PRKG1: variants seen among roughly 807,000 people sequenced by gnomAD.
The protein encoded by PRKG1 is protein kinase cGMP-dependent 1.
PRKG1 carries 35 observed loss-of-function variants against 88.1 expected under a neutral mutation model. The observed-to-expected ratio is 0.40, with a 90% confidence interval of 0.30 to 0.53. The LOEUF is 0.53. Among genes scored for constraint, PRKG1 ranks in the 20% least tolerant of loss-of-function variants. The pLI, the probability that PRKG1 is intolerant of heterozygous loss-of-function variation, is 0.59. For synonymous variants in PRKG1, 303 were observed against 292.5 expected (o/e 1.04, Z -0.37); for missense variants, 540 against 839.8 (o/e 0.64, Z 4.41).
chr10:51,164,122 G>T (rs185830313), intron 2 of PRKG1, among the ~76,000 whole-genome samples: 1 of 152,146 alleles, frequency 6.6e-6, no homozygotes, highest in Non-Finnish European at 1.5e-5. Flanking sequence ...CCTGACCCCC[G>T]AGCAGCCTAA....
At chr10:52,038,534 C>A (rs554564259) in intron 5 of PRKG1, among the ~76,000 whole-genome samples, 1 of 151,778 alleles carries the variant, frequency 6.6e-6, no homozygotes, top group Admixed American at 6.6e-5. Flanking sequence ...TCTAGAAAAG[C>A]GGGACTTGCC....
chr10:51,269,923 C>T (rs1428503530), intron 2 of PRKG1, among the ~76,000 whole-genome samples: 8 of 152,140 alleles, frequency 5.3e-5, no homozygotes, highest in Non-Finnish European at 1.2e-4. Context: ...TTGTTAGATA[C>T]AACATTTTAA....
At chr10:51,809,264 A>C (rs1297338590) in intron 4 of PRKG1, among the ~76,000 whole-genome samples, 1 of 150,756 alleles carries the variant, frequency 6.6e-6, no homozygotes, top group Non-Finnish European at 1.5e-5. Flanking sequence ...TGATGTAAAC[A>C]CAGATGTTTC....
At chr10:51,172,950 A>G (rs9414852) in intron 2 of PRKG1, among the ~76,000 whole-genome samples, 10,007 of 152,074 alleles carry the variant, frequency 0.066, 693 homozygotes, top group African/African-American at 0.17. Context: ...CCCTGAGCTG[A>G]CACATGGATG....
At chr10:51,793,503 C>A (rs1043270806) in intron 3 of PRKG1, among the ~76,000 whole-genome samples, 4 of 151,972 alleles carry the variant, frequency 2.6e-5, no homozygotes, top group African/African-American at 9.7e-5. Context: ...GAAAACTTTT[C>A]AAACCTAAAG....
At chr10:51,666,050 A>G (rs892234640) in intron 3 of PRKG1, among the ~76,000 whole-genome samples, 2 of 152,192 alleles carry the variant, frequency 1.3e-5, no homozygotes, top group African/African-American at 2.4e-5. Context: ...TAAATGATCA[A>G]TAGCCTTAGA....
At chr10:51,421,696 T>C (rs756056772) in intron 2 of PRKG1, among the ~76,000 whole-genome samples, 21 of 152,212 alleles carry the variant, frequency 1.4e-4, no homozygotes, top group South Asian at 6.2e-4. Flanking sequence ...TAATGTCTCC[T>C]CTTGGATGAA....
chr10:52,035,410 T>A (rs1845581738), intron 5 of PRKG1, among the ~76,000 whole-genome samples: 1 of 152,000 alleles, frequency 6.6e-6, no homozygotes, highest in African/African-American at 2.4e-5. Context: ...ATTTCCACGA[T>A]GGAAAGGAAA....
intron 5 of PRKG1, among the ~76,000 whole-genome samples, chr10:51,944,111 G>A (rs926520634): frequency 1.2e-3 from 183 of 152,108 alleles, no homozygotes; most frequent in African/African-American, 4.3e-3. Flanking sequence ...GTAAGCTATT[G>A]ATTATTGCCA....
chr10:51,238,683 C>T (rs554368573), intron 2 of PRKG1, among the ~76,000 whole-genome samples: 46 of 151,932 alleles, frequency 3.0e-4, no homozygotes, highest in African/African-American at 8.7e-4. Context: ...ATCTCTTAAA[C>T]CTGGGAGGAC....
chr10:51,786,012 C>G (rs1028288009), intron 3 of PRKG1, among the ~76,000 whole-genome samples: 1 of 152,116 alleles, frequency 6.6e-6, no homozygotes, highest in Admixed American at 6.6e-5. Context: ...ATCTTTGAAG[C>G]AGGTGGCATT....
Position 51,685,280 on chromosome 10 carries a change from CTT to C in PRKG1, c.593-119304_593-119303del, listed in dbSNP as rs529737473. On this transcript the variant is annotated intron_variant, in intron 3 of 17. Transcript: ENST00000373980. ...TTCCACCTCTTATGAGCTGTTGTGA[CTT>C]AGGGCAAATTAGTCAACTTCCTCCA... Among the ~76,000 whole-genome samples the C allele has an allele frequency of 1.9e-3, 289 of 152,288 alleles. 1 individual carries two copies. Among genetic ancestry groups the C allele is most frequent in the African/African-American group, 6.6e-3 (273 of 41,574 alleles).
intron 3 of PRKG1, among the ~76,000 whole-genome samples, chr10:51,489,460 T>A (rs929426352): frequency 6.6e-6 from 1 of 152,142 alleles, no homozygotes; most frequent in African/African-American, 2.4e-5. Flanking sequence ...CAGCATCACC[T>A]GGAAATTTAT....
chr10:52,003,458 A>G (rs1375655509), intron 5 of PRKG1, among the ~76,000 whole-genome samples: 1 of 152,232 alleles, frequency 6.6e-6, no homozygotes, highest in African/African-American at 2.4e-5. Flanking sequence ...CAACTTGGCT[A>G]TGAAACATTG....
intron 3 of PRKG1, among the ~76,000 whole-genome samples, chr10:51,665,264 A>T (rs1328451333): frequency 6.6e-6 from 1 of 152,214 alleles, no homozygotes; most frequent in South Asian, 2.1e-4. Context: ...ATTTTGACAG[A>T]TAAAAATTAA....
At position 52,295,363 on chromosome 10, in the gene PRKG1, A is replaced by C. The variant is rs1335141667; in HGVS notation, c.*1463A>C. The C allele has an allele frequency of 1.3e-5, 2 of 152,060 alleles. No individual in the cohort carries two copies. The highest frequency in any genetic ancestry group is 2.9e-5 in the Non-Finnish European group (2 of 67,964). The allele number at this position is 152,060 out of a possible 1,614,324, so 9.4% of individuals were successfully genotyped here. A position where few individuals can be genotyped will look rare whatever the true frequency, so the allele number is the denominator to read the frequency against. The stretch of plus-strand genomic sequence containing the variant: ...AATAAATTTTAAATAAAATAGAATT[A>C]CTACAATTCTGCAATTTCATACTAC... On this transcript the variant is annotated 3_prime_UTR_variant, in exon 18 of 18. Transcript: ENST00000373980.
At chr10:51,151,539 T>A (rs1347236927) in intron 1 of PRKG1, among the ~76,000 whole-genome samples, 2 of 149,920 alleles carry the variant, frequency 1.3e-5, no homozygotes, top group African/African-American at 4.9e-5. Context: ...CCCAAATATA[T>A]GTCTCTTCAA....
chr10:51,045,458 G>T (rs990366520), intron 1 of PRKG1, among the ~76,000 whole-genome samples: 8 of 152,004 alleles, frequency 5.3e-5, no homozygotes, highest in Non-Finnish European at 7.4e-5. Flanking sequence ...AAGTAGCTGG[G>T]ACTACAGGCA....
chr10:52,019,398 G>A (rs1007796429), intron 5 of PRKG1, among the ~76,000 whole-genome samples: 1 of 152,166 alleles, frequency 6.6e-6, no homozygotes, highest in African/African-American at 2.4e-5. Flanking sequence ...AGGTTTTTGA[G>A]AAAGAAATTC....
Sources: gnomAD v4.1 joint callset for allele counts (sites outside exome capture counted in the v4.1 genomes callset) on GRCh38, gnomAD v4.1.1 for gene constraint, MANE v1.5 for transcripts, NCBI Gene and HGNC (gene_info 2026-07-23, HGNC 2026-07-21) for gene names.